SGCZ: variants seen among roughly 807,000 people sequenced by gnomAD.
SGCZ encodes sarcoglycan zeta.
In SGCZ, 40 loss-of-function variants were observed where a neutral mutation model predicts 41.3. The observed-to-expected ratio is 0.97, with a 90% CI of 0.75 to 1.26. The LOEUF (loss-of-function observed/expected upper bound fraction) is 1.26, where lower values mean the gene tolerates loss of function less well. Among genes scored for constraint, SGCZ ranks in the 50% most tolerant of loss-of-function variants. The pLI is 0.00. For synonymous variants in SGCZ, 206 were observed against 137.5 expected, an observed-to-expected ratio of 1.50 and a Z score of -3.49; for missense variants, 552 against 369.8, an observed-to-expected ratio of 1.49 and a Z score of -4.04.
intron 3 of SGCZ, among the ~76,000 whole-genome samples, chr8:14,242,483 T>C (rs1798925150): frequency 6.6e-6 from 1 of 152,194 alleles, no homozygotes; most frequent in South Asian, 2.1e-4. Context: ...TTACTCCACA[T>C]TTCTGCATCA....
intron 3 of SGCZ, among the ~76,000 whole-genome samples, chr8:14,271,882 CATGG>C (rs936235311): frequency 3.3e-5 from 5 of 152,132 alleles, no homozygotes; most frequent in Admixed American, 3.3e-4. Context: ...TAAATCTTAC[CATGG>C]AAAGCCAAAG....
intron 2 of SGCZ, among the ~76,000 whole-genome samples, chr8:14,351,397 G>T (rs949455547): frequency 6.6e-6 from 1 of 151,882 alleles, no homozygotes; most frequent in Admixed American, 6.6e-5. Flanking sequence ...ATCAACTTCA[G>T]CCTTGTCTTC....
chr8:14,450,721 A>C (rs780320179), intron 2 of SGCZ, among the ~76,000 whole-genome samples: 6 of 152,174 alleles, frequency 3.9e-5, no homozygotes, highest in African/African-American at 1.2e-4. Context: ...AGAAAGTTTA[A>C]AGCTCTCATC....
chr8:14,515,251 C>T (rs187607009), intron 2 of SGCZ, among the ~76,000 whole-genome samples: 1 of 152,168 alleles, frequency 6.6e-6, no homozygotes, highest in East Asian at 1.9e-4. Flanking sequence ...ATGGTTTCTG[C>T]ACTCACTGAC....
rs1203199616 is a variant in SGCZ at position 15,214,038 on chromosome 8, C to T, written c.39+23547G>A. Among the ~76,000 whole-genome samples the T allele has an allele frequency of 2.6e-5, 4 of 151,992 alleles. No homozygotes were observed. In the East Asian group the frequency reaches 7.7e-4, roughly 29 times the overall value. On this transcript the variant is annotated intron_variant, in intron 1 of 7. Coordinates refer to ENST00000382080, the MANE Select transcript of SGCZ (RefSeq NM_139167.4). Reference sequence around the variant, plus strand: ...TTAAAATGCATTCCTATTTCATTAACTTATAGAAGCTTTTGTATATTCACT... The same window carrying T: ...TTAAAATGCATTCCTATTTCATTAATTTATAGAAGCTTTTGTATATTCACT...
chr8:14,570,903 T>C (rs1259105224), intron 1 of SGCZ, among the ~76,000 whole-genome samples: 1 of 152,216 alleles, frequency 6.6e-6, no homozygotes, highest in African/African-American at 2.4e-5. Flanking sequence ...TAAGAAAGAA[T>C]TTAAAATGGT....
At chr8:15,040,852 G>A (rs1217685889) in intron 1 of SGCZ, among the ~76,000 whole-genome samples, 1 of 152,106 alleles carries the variant, frequency 6.6e-6, no homozygotes, top group African/African-American at 2.4e-5. Context: ...AAGTCAGGAT[G>A]TACTGATAAA....
chr8:14,927,555 G>A (rs1346208477), intron 1 of SGCZ, among the ~76,000 whole-genome samples: 5 of 151,966 alleles, frequency 3.3e-5, no homozygotes, highest in Admixed American at 3.3e-4. Flanking sequence ...AAAGAAGAGG[G>A]AGAGAGACGA....
intron 5 of SGCZ, among the ~76,000 whole-genome samples, chr8:14,143,596 T>G (rs1302837814): frequency 6.6e-6 from 1 of 152,134 alleles, no homozygotes; most frequent in Non-Finnish European, 1.5e-5. Flanking sequence ...ACATGTAGGC[T>G]CCACCAATCA....
chr8:14,501,410 C>G (rs1402738853), intron 2 of SGCZ, among the ~76,000 whole-genome samples: 4 of 151,768 alleles, frequency 2.6e-5, no homozygotes, highest in African/African-American at 9.7e-5. Context: ...TGTGTACAAT[C>G]CTTGATAAAT....
intron 1 of SGCZ, among the ~76,000 whole-genome samples, chr8:14,803,446 C>T (rs1471194771): frequency 6.6e-6 from 1 of 152,036 alleles, no homozygotes; most frequent in African/African-American, 2.4e-5. Flanking sequence ...GTTCCCTTTC[C>T]TAGTCAAAGA....
At chr8:14,122,008 G>T (rs1305091597) in intron 5 of SGCZ, among the ~76,000 whole-genome samples, 5 of 152,210 alleles carry the variant, frequency 3.3e-5, no homozygotes, top group African/African-American at 1.2e-4. Flanking sequence ...GCCGGGTGCT[G>T]TAGCTCACGC....
intron 2 of SGCZ, among the ~76,000 whole-genome samples, chr8:14,448,914 T>A (rs1197541454): frequency 6.6e-6 from 1 of 152,234 alleles, no homozygotes; most frequent in African/African-American, 2.4e-5. Flanking sequence ...AGACTAGGCA[T>A]GACCAAAAAA....
chr8:14,513,101 T>C (rs1305081006), intron 2 of SGCZ, among the ~76,000 whole-genome samples: 1 of 152,102 alleles, frequency 6.6e-6, no homozygotes, highest in East Asian at 1.9e-4. Flanking sequence ...GTTTATGCAG[T>C]GGTGCAATCA....
At chr8:14,607,899 A>T (rs1027173106) in intron 1 of SGCZ, among the ~76,000 whole-genome samples, 8 of 152,338 alleles carry the variant, frequency 5.3e-5, no homozygotes, top group African/African-American at 1.9e-4. Context: ...AACAATTTTT[A>T]AAATTACAGT....
At chr8:14,734,947 T>C (rs1798982404) in intron 1 of SGCZ, among the ~76,000 whole-genome samples, 1 of 152,212 alleles carries the variant, frequency 6.6e-6, no homozygotes, top group South Asian at 2.1e-4. Flanking sequence ...ATTCATCAAA[T>C]GTTTGATTAA....
chr8:14,722,789 T>G (rs1204983859), intron 1 of SGCZ, among the ~76,000 whole-genome samples: 3 of 152,158 alleles, frequency 2.0e-5, no homozygotes, highest in Non-Finnish European at 4.4e-5. Flanking sequence ...CAAAATGTCC[T>G]GTGTATGTAT....
chr8:14,564,336 T>C (rs1804294428), intron 1 of SGCZ, among the ~76,000 whole-genome samples: 1 of 152,052 alleles, frequency 6.6e-6, no homozygotes, highest in Non-Finnish European at 1.5e-5. Context: ...GATTTAACGC[T>C]ACAATATCAG....
At chr8:14,848,929 C>A (rs1179537953) in intron 1 of SGCZ, among the ~76,000 whole-genome samples, 1 of 152,036 alleles carries the variant, frequency 6.6e-6, no homozygotes, top group African/African-American at 2.4e-5. Context: ...AGGATGAAAT[C>A]TGTGTAAAGG....
Sources: allele counts gnomAD v4.1 joint callset (sites outside exome capture counted in the v4.1 genomes callset), GRCh38; gene constraint gnomAD v4.1.1; transcripts MANE v1.5; gene names NCBI Gene and HGNC (gene_info 2026-07-23, HGNC 2026-07-21).